GNG7: variants seen among roughly 807,000 people sequenced by gnomAD.
GNG7 encodes the protein G protein subunit gamma 7, also known as guanine nucleotide-binding protein G(I)/G(S)/G(O) subunit gamma-7.
A neutral mutation model predicts 4.0 loss-of-function variants in GNG7; 1 was observed. That is an observed-to-expected ratio of 0.25 (90% CI 0.09 to 1.18). The LOEUF is 1.18. Ranked by LOEUF, GNG7 falls within the 50% of genes most tolerant of loss-of-function variation. The probability of loss-of-function intolerance (pLI) is 0.50; values close to 1 mark genes in which losing one functional copy is unlikely to be tolerated. For synonymous variants in GNG7, 34 were observed against 36.9 expected, an observed-to-expected ratio of 0.92 and a Z score of 0.29; for missense variants, 86 against 91.9, an observed-to-expected ratio of 0.94 and a Z score of 0.26.
chr19:2,569,026 T>C (rs969899118), intron 2 of GNG7, among the ~76,000 whole-genome samples: 4 of 149,440 alleles, frequency 2.7e-5, no homozygotes, highest in African/African-American at 7.5e-5. Context: ...CAGACACATA[T>C]ACACAAAAGC....
chr19:2,553,826 A>G (rs949278196), intron 3 of GNG7, among the ~76,000 whole-genome samples: 1 of 47,208 alleles, frequency 2.1e-5, no homozygotes, highest in African/African-American at 6.3e-5. Context: ...ATACATGTAC[A>G]TATTATATGT....
At chr19:2,682,124 G>A (rs1482005101) in intron 1 of GNG7, among the ~76,000 whole-genome samples, 1 of 151,596 alleles carries the variant, frequency 6.6e-6, no homozygotes, top group African/African-American at 2.4e-5. Context: ...GGCCAGGCTG[G>A]TCTTGAACTC....
chr19:2,518,025 G>GC (rs1978291623), intron 4 of GNG7, among the ~76,000 whole-genome samples: 2 of 152,232 alleles, frequency 1.3e-5, no homozygotes, highest in South Asian at 4.1e-4. Context: ...TTGGGAAGCG[G>GC]CCCTCCTGGA....
In GNG7 at chr19:2,618,214, C is replaced by T. The variant is rs1010725965; in HGVS notation, c.-78+28010G>A. ...GGTTGGCCTTCCATCTACTCTTCCA[C>T]TCACCAGCTTCTCCATCTTGCCCAA... is the stretch of plus-strand genomic sequence containing the variant. On this transcript the variant is annotated intron_variant, in intron 2 of 4. Coordinates refer to ENST00000382159, the MANE Select transcript of GNG7 (RefSeq NM_052847.3). This position sits in a 1 kb window ranked among gnomAD's most constrained non-coding sequence, Gnocchi z 5.1. Among the ~76,000 whole-genome samples, 4 of 152,196 alleles carry T rather than the reference C, an allele frequency of 2.6e-5. No individual in the cohort carries two copies. The highest frequency in any genetic ancestry group is 9.7e-5 in the African/African-American group (4 of 41,448).
intron 3 of GNG7, among the ~76,000 whole-genome samples, chr19:2,539,872 C>G (rs1978891661): frequency 8.1e-6 from 1 of 123,694 alleles, no homozygotes; most frequent in African/African-American, 3.5e-5. Flanking sequence ...CTTCTTCTTT[C>G]TCTCTCCCTC....
chr19:2,568,216 C>A (rs1371435912), intron 2 of GNG7, among the ~76,000 whole-genome samples: 1 of 151,202 alleles, frequency 6.6e-6, no homozygotes, highest in African/African-American at 2.4e-5. Context: ...CATACACATA[C>A]AGACATGCAC....
At chr19:2,678,267 T>TG (rs920797146) in intron 1 of GNG7, among the ~76,000 whole-genome samples, 7 of 151,968 alleles carry the variant, frequency 4.6e-5, no homozygotes, top group Non-Finnish European at 5.9e-5. Context: ...AAGTAAAACC[T>TG]GGGGGGAGCG....
In GNG7 at chr19:2,687,799, C is replaced by A. The variant is rs867624134; in HGVS notation, c.-135+14847G>T. Among the ~76,000 whole-genome samples the A allele has an allele frequency of 1.4e-4, 21 of 151,182 alleles. No individual in the cohort carries two copies. The South Asian group carries it at 4.0e-3, about 29-fold the overall frequency. ...GACCAGCCTGGCCAACACGGCGAAA[C>A]CCCATCTCTACTAAAAATACAAAAA... On this transcript the variant is annotated intron_variant, in intron 1 of 4. Transcript: ENST00000382159.
intron 2 of GNG7, among the ~76,000 whole-genome samples, chr19:2,564,968 AC>A (rs1301450720): frequency 6.6e-6 from 1 of 151,724 alleles, no homozygotes; most frequent in Non-Finnish European, 1.5e-5. Flanking sequence ...AGGCAGGAGG[AC>A]CACTTGAGAC....
intron 1 of GNG7, among the ~76,000 whole-genome samples, chr19:2,661,294 GAAAGAAAGAGAAAGAAAGAA>G (rs1404604688): frequency 2.1e-4 from 9 of 42,472 alleles, no homozygotes; most frequent in African/African-American, 5.7e-4. Flanking sequence ...AAGAAAGAAA[GAAAGAAAGAGAAAGAAAGAA>G]AGAAAGAAAG....
intron 2 of GNG7, among the ~76,000 whole-genome samples, chr19:2,575,089 C>CT (rs34248001): frequency 0.37 from 50,943 of 138,746 alleles, 11,189 homozygotes; most frequent in African/African-American, 0.64. Context: ...TTCTTTCTTT[C>CT]TTTTTTTTTT....
intron 2 of GNG7, among the ~76,000 whole-genome samples, chr19:2,616,005 G>A (rs1425608115): frequency 6.6e-6 from 1 of 152,196 alleles, no homozygotes; most frequent in Non-Finnish European, 1.5e-5. Flanking sequence ...TCCTGTATGG[G>A]CCTTTTTCCC....
rs1428048324 is a variant in GNG7 at position 2,546,264 on chromosome 19, G to A, written c.-38+8885C>T. Among the ~76,000 whole-genome samples the A allele has an allele frequency of 5.9e-5, 9 of 152,228 alleles. No homozygotes were observed. Among genetic ancestry groups the A allele is most frequent in the Admixed American group, 5.9e-4 (9 of 15,282 alleles). ...AGGGCCCCCTCAGCAACCAGGGTCTGCATGCAGAGACCCTGCACCCAGCGT... is the reference window on the plus strand; with the variant it reads ...AGGGCCCCCTCAGCAACCAGGGTCTACATGCAGAGACCCTGCACCCAGCGT... On this transcript the variant is annotated intron_variant, in intron 3 of 4. Coordinates refer to ENST00000382159, the MANE Select transcript of GNG7 (RefSeq NM_052847.3). The surrounding 1 kb of genome is among the most constrained non-coding windows in gnomAD (Gnocchi z 6.3).
intron 2 of GNG7, among the ~76,000 whole-genome samples, chr19:2,587,597 A>G (rs1980713744): frequency 6.6e-6 from 1 of 152,080 alleles, no homozygotes; most frequent in South Asian, 2.1e-4. Flanking sequence ...ACGGGCTTCA[A>G]AGGGGAGGCA....
chr19:2,585,873 T>C lies in GNG7; in HGVS notation c.-77-30685A>G, dbSNP rs181611746. On this transcript the variant is annotated intron_variant, in intron 2 of 4. Transcript: ENST00000382159. ...CCGCCACCACGCCCGGCTATTTTTT[T>C]GTATTTTTAGTAGAGACGGGGTTTC... Among the ~76,000 whole-genome samples, 565 of 152,268 alleles carry C rather than the reference T, an allele frequency of 3.7e-3. 5 individuals carry two copies. The highest frequency in any genetic ancestry group is 0.013 in the African/African-American group (539 of 41,548).
At chr19:2,659,752 G>GAGGA (rs372323610) in intron 1 of GNG7, among the ~76,000 whole-genome samples, 5 of 134,370 alleles carry the variant, frequency 3.7e-5, no homozygotes, top group African/African-American at 1.1e-4. Flanking sequence ...GGGAGGGATG[G>GAGGA]AGGAAGGAAG....
chr19:2,552,006 C>T (rs1555693011), intron 3 of GNG7, among the ~76,000 whole-genome samples: 2 of 152,274 alleles, frequency 1.3e-5, no homozygotes, highest in East Asian at 1.9e-4. Flanking sequence ...CACAGCTGCC[C>T]CCCAACGCTT....
intron 1 of GNG7, among the ~76,000 whole-genome samples, chr19:2,679,365 T>C (rs1983673405): frequency 6.6e-6 from 1 of 152,102 alleles, no homozygotes; most frequent in Non-Finnish European, 1.5e-5. Flanking sequence ...CTAATATTTA[T>C]ACATAATATA....
At chr19:2,674,038 C>T (rs1157094669) in intron 1 of GNG7, among the ~76,000 whole-genome samples, 12 of 152,066 alleles carry the variant, frequency 7.9e-5, no homozygotes, top group Admixed American at 7.2e-4. Flanking sequence ...CCAAGGTGGG[C>T]GGATCACCCA....
Sources: gnomAD v4.1 joint callset for allele counts (sites outside exome capture counted in the v4.1 genomes callset) on GRCh38, gnomAD v4.1.1 for gene constraint, Gnocchi (gnomAD v3.1) non-coding constraint, MANE v1.5 for transcripts, NCBI Gene and HGNC (gene_info 2026-07-23, HGNC 2026-07-21) for gene names.